Variants in IP6K1 observed in about 807,000 individuals in gnomAD.
The protein encoded by IP6K1 is inositol hexakisphosphate kinase 1, also known as ATP:1D-myo-inositol-hexakisphosphate phosphotransferase.
Under a neutral mutation model 38.3 loss-of-function variants are expected in IP6K1, and 13 were observed. The ratio of observed to expected loss-of-function variants is 0.34; its 90% CI spans 0.22 to 0.54. The LOEUF is 0.54. Among genes scored for constraint, IP6K1 ranks in the 20% least tolerant of loss-of-function variants. The probability of loss-of-function intolerance (pLI) is 0.92; values close to 1 mark genes in which losing one functional copy is unlikely to be tolerated. For synonymous variants in IP6K1, 212 were observed against 229.9 expected, an observed-to-expected ratio of 0.92 and a Z score of 0.70; for missense variants, 397 against 599.8, an observed-to-expected ratio of 0.66 and a Z score of 3.53.
chr3:49,763,947 G>A (rs1325163768), intron 1 of IP6K1, among the ~76,000 whole-genome samples: 6 of 151,876 alleles, frequency 4.0e-5, no homozygotes, highest in Non-Finnish European at 7.4e-5. Context: ...GCTGGAACCC[G>A]GGAGGCAAAG....
chr3:49,727,299 G>C lies in IP6K1; in HGVS notation c.1149C>G (p.Pro383=), dbSNP rs200800128. The change falls in exon 6 of 6, where the codon CCC becomes CCG. Residue 383 remains proline (P), a synonymous_variant. Coordinates refer to ENST00000321599, the MANE Select transcript of IP6K1 (RefSeq NM_153273.4). This position sits in a 1 kb window ranked among gnomAD's most constrained non-coding sequence, Gnocchi z 5.9. Reference sequence around the variant, plus strand: ...TGGGCTGAGAGGAGGGACCCGCCTCGGGGCTGGTGTTGCTGGGGCTGGTGC... The same window carrying C: ...TGGGCTGAGAGGAGGGACCCGCCTCCGGGCTGGTGTTGCTGGGGCTGGTGC... ...GPSTSPSNTS[P]EAGPSSQPKV... is the part of the protein sequence containing the mutation. 1.5e-5 allele frequency: 25 copies of C among 1,614,170 alleles called. No individual in the cohort carries two copies. In the East Asian group the frequency reaches 4.7e-4, roughly 30 times the overall value.
intron 1 of IP6K1, among the ~76,000 whole-genome samples, chr3:49,753,958 A>G (rs1196194440): frequency 6.6e-6 from 1 of 152,226 alleles, no homozygotes; most frequent in Non-Finnish European, 1.5e-5. Context: ...AAAGCAAAAT[A>G]CAGAAGGAAA....
intron 1 of IP6K1, among the ~76,000 whole-genome samples, chr3:49,770,734 G>C (rs151226588): frequency 1.0e-3 from 152 of 152,294 alleles, no homozygotes; most frequent in Non-Finnish European, 1.9e-3. Context: ...GGTGTCCTCA[G>C]ACACTCAGAC....
At chr3:49,737,126 G>A (rs1333378127) in intron 3 of IP6K1, among the ~76,000 whole-genome samples, 1 of 145,584 alleles carries the variant, frequency 6.9e-6, no homozygotes, top group African/African-American at 2.6e-5. Context: ...GCCCAAGCTG[G>A]TCTGAAACTC....
At chr3:49,736,196 G>A (rs1205131907) in intron 3 of IP6K1, among the ~76,000 whole-genome samples, 1 of 152,156 alleles carries the variant, frequency 6.6e-6, no homozygotes, top group Non-Finnish European at 1.5e-5. Flanking sequence ...GATTACAGGC[G>A]TGAGACACCA....
Position 49,738,722 on chromosome 3 carries a change from C to T in IP6K1, c.224-300G>A, listed in dbSNP as rs115001675. On this transcript the variant is annotated intron_variant, in intron 2 of 5. Transcript: ENST00000321599. ...TTGTACCATTCAAAAGAACTGTGTT[C>T]GCTAGGTGACACCCACACCTGGCAT... 9.1e-3 allele frequency among the ~76,000 whole-genome samples: 1,387 copies of T among 152,278 alleles called. 19 individuals are homozygous for T. The highest frequency in any genetic ancestry group is 0.032 in the African/African-American group (1,331 of 41,554).
intron 1 of IP6K1, among the ~76,000 whole-genome samples, chr3:49,754,138 T>C (rs888627687): frequency 4.6e-5 from 7 of 151,898 alleles, no homozygotes; most frequent in Admixed American, 1.3e-4. Context: ...TGGCCAAGGC[T>C]GGAGGATCAC....
intron 2 of IP6K1, among the ~76,000 whole-genome samples, chr3:49,746,276 G>A (rs1217409424): frequency 6.6e-6 from 1 of 151,234 alleles, no homozygotes; most frequent in South Asian, 2.1e-4. Flanking sequence ...AGCATTATTC[G>A]CAATAGCCAA....
At chr3:49,732,716 C>T in intron 4 of IP6K1, 75 bp downstream of exon 4, 1 of 1,264,354 alleles carries the variant, frequency 7.9e-7, no homozygotes, top group South Asian at 1.5e-5. Context: ...AGACCTCAGC[C>T]ATAGGCAGAA....
intron 1 of IP6K1, among the ~76,000 whole-genome samples, chr3:49,757,162 G>C (rs1050441185): frequency 6.6e-6 from 1 of 152,194 alleles, no homozygotes; most frequent in Non-Finnish European, 1.5e-5. Flanking sequence ...TCCCACTGAA[G>C]ACCAAAGCTG....
At chr3:49,773,817 T>A (rs1016986493) in intron 1 of IP6K1, among the ~76,000 whole-genome samples, 2 of 152,122 alleles carry the variant, frequency 1.3e-5, no homozygotes, top group Non-Finnish European at 2.9e-5. Flanking sequence ...TGCTTGACCC[T>A]GATCCATACA....
At chr3:49,738,977 G>A (rs1035667058) in intron 2 of IP6K1, among the ~76,000 whole-genome samples, 1 of 152,112 alleles carries the variant, frequency 6.6e-6, no homozygotes, top group South Asian at 2.1e-4. Flanking sequence ...ACATCCTTCT[G>A]TTTGCCGTGC....
At chr3:49,766,101 G>A (rs1443632220) in intron 1 of IP6K1, among the ~76,000 whole-genome samples, 2 of 151,980 alleles carry the variant, frequency 1.3e-5, no homozygotes, top group Admixed American at 6.6e-5. Context: ...GTGTCAATCC[G>A]GGAGGCGGAG....
At chr3:49,736,840 C>T (rs1350414969) in intron 3 of IP6K1, among the ~76,000 whole-genome samples, 1 of 147,450 alleles carries the variant, frequency 6.8e-6, no homozygotes, top group Non-Finnish European at 1.5e-5. Flanking sequence ...GGCATGATCT[C>T]GGCTCACTAC....
chr3:49,745,397 C>T (rs942041833), intron 2 of IP6K1, among the ~76,000 whole-genome samples: 2 of 152,112 alleles, frequency 1.3e-5, no homozygotes, highest in South Asian at 2.1e-4. Context: ...TTGAGATGTC[C>T]TAAAAACTGG....
At chr3:49,744,096 A>G (rs2080699354) in intron 2 of IP6K1, among the ~76,000 whole-genome samples, 1 of 151,640 alleles carries the variant, frequency 6.6e-6, no homozygotes, top group Non-Finnish European at 1.5e-5. Flanking sequence ...TTCTATATTT[A>G]TTAATCAAAA....
chr3:49,738,735 C>T (rs2080638482), intron 2 of IP6K1, among the ~76,000 whole-genome samples: 1 of 152,148 alleles, frequency 6.6e-6, no homozygotes, highest in Admixed American at 6.5e-5. Context: ...TAGGTGACAC[C>T]CACACCTGGC....
intron 1 of IP6K1, among the ~76,000 whole-genome samples, chr3:49,771,892 T>TA (rs2108258560): frequency 6.6e-6 from 1 of 152,206 alleles, no homozygotes; most frequent in East Asian, 1.9e-4. Context: ...ATGTATAAAT[T>TA]AAAACACTAC....
At chr3:49,757,812 T>C (rs2080837536) in intron 1 of IP6K1, among the ~76,000 whole-genome samples, 1 of 152,200 alleles carries the variant, frequency 6.6e-6, no homozygotes. Flanking sequence ...CAATTATCTA[T>C]AACACTGGTT....
Sources: gnomAD v4.1 joint callset for allele counts (sites outside exome capture counted in the v4.1 genomes callset) on GRCh38, gnomAD v4.1.1 for gene constraint, Gnocchi (gnomAD v3.1) non-coding constraint, MANE v1.5 for transcripts, NCBI Gene and HGNC (gene_info 2026-07-23, HGNC 2026-07-21) for gene names.